DNAH1: variants seen among roughly 807,000 people sequenced by gnomAD.
DNAH1 encodes dynein axonemal heavy chain 1, also known as axonemal beta dynein heavy chain 1.
In DNAH1, 327 loss-of-function variants were observed where a neutral mutation model predicts 484.3. The observed-to-expected ratio is 0.68, with a 90% CI of 0.62 to 0.74. The LOEUF is 0.74. Ranked by LOEUF, DNAH1 falls within the 30% of genes least tolerant of loss-of-function variation. The pLI is 0.00. For missense variants in DNAH1, 5,052 were observed against 5,546.8 expected, an observed-to-expected ratio of 0.91 and a Z score of 2.83; for synonymous variants, 2,192 against 2,191.9, an observed-to-expected ratio of 1.00 and a Z score of 0.00.
chr3:52,323,810 G>C lies in DNAH1; in HGVS notation c.336G>C (p.Glu112Asp). Residue 112 changes from glutamate to aspartate, a missense_variant and splice_region_variant, in exon 3 of 78, where the codon GAG becomes GAC. Physicochemically the swap from Glu to Asp is conservative, Grantham distance 45. Transcript: ENST00000420323. ...LSPGTLDQLG[E>D]VCRGPRMSQN... ...AGGGCTCCATGGTTTGGTTTCAGGA[G>C]GTATGTCGTGGCCCCCGAATGAGCC... 6.3e-7 allele frequency: 1 copy of C among 1,589,966 alleles called. No homozygotes were observed. Among genetic ancestry groups the C allele is most frequent in the Non-Finnish European group, 8.6e-7 (1 of 1,167,994 alleles).
intron 18 of DNAH1, 96 bp downstream of exon 18, chr3:52,352,803 G>C (rs1265133186): frequency 1.5e-5 from 22 of 1,475,796 alleles, no homozygotes; most frequent in East Asian, 2.5e-5. Context: ...CTGGCATTTG[G>C]GGGCAGGACC....
At position 52,352,038 on chromosome 3, in the gene DNAH1, G is replaced by C; in HGVS notation, c.2806G>C (p.Glu936Gln). The change falls in exon 17 of 78, where the codon GAG becomes CAG. Residue 936 changes from glutamate (E) to glutamine (Q), a missense_variant. This residue lies in a region of DNAH1 where 1,263 missense variants were observed against 1,218.8 expected (regional missense o/e 1.04). Coordinates refer to ENST00000420323, the MANE Select transcript of DNAH1 (RefSeq NM_015512.5). ...LVQQQHVEDE[E>Q]KFRKIQIMDQ... ...GCAGCAGCAGCATGTGGAGGATGAG[G>C]AGAAGTTCCGCAAAATCCAGATCAT... 6.3e-7 allele frequency: 1 copy of C among 1,594,404 alleles called. No individual in the cohort carries two copies. Among genetic ancestry groups the C allele is most frequent in the Non-Finnish European group, 8.5e-7 (1 of 1,170,626 alleles).
At position 52,353,423 on chromosome 3, in the gene DNAH1, G is replaced by A. The variant is rs758222391; in HGVS notation, c.3270G>A (p.Glu1090=). ...VALDIRARIE[E]FKPYIPLIQG... is the part of the protein sequence containing the mutation. ...TGGACATCCGGGCCCGCATCGAGGAGTTCAAACCATACATCCCACTGATCC... is the reference window on the plus strand; with the variant it reads ...TGGACATCCGGGCCCGCATCGAGGAATTCAAACCATACATCCCACTGATCC... Residue 1090 remains glutamate, a synonymous_variant, in exon 20 of 78, where the codon GAG becomes GAA. Coordinates refer to ENST00000420323, the MANE Select transcript of DNAH1 (RefSeq NM_015512.5). This position sits in a 1 kb window ranked among gnomAD's most constrained non-coding sequence, Gnocchi z 5.0. 9.3e-6 allele frequency: 15 copies of A among 1,613,816 alleles called. No individual in the cohort carries two copies. The highest frequency in any genetic ancestry group is 4.0e-5 in the African/African-American group (3 of 74,930).
chr3:52,332,112 G>T, intron 7 of DNAH1, 30 bp from the exon 8 acceptor site: 1 of 1,540,556 alleles, frequency 6.5e-7, no homozygotes, highest in East Asian at 2.5e-5. Context: ...CTGATTGTGT[G>T]TCCCCTTCTC....
At chr3:52,327,122 C>A (rs1701375766) in intron 5 of DNAH1, among the ~76,000 whole-genome samples, 3 of 151,844 alleles carry the variant, frequency 2.0e-5, no homozygotes, top group East Asian at 1.9e-4. Flanking sequence ...CTTCCCTGGG[C>A]AGCCTGTATG....
intron 15 of DNAH1, 67 bp downstream of exon 15, chr3:52,350,175 G>A (rs1352680189): frequency 1.4e-5 from 22 of 1,568,358 alleles, no homozygotes; most frequent in Non-Finnish European, 1.9e-5. Flanking sequence ...CCGAGGGCTG[G>A]GGCAGGCAGG....
chr3:52,345,413 T>C, intron 9 of DNAH1, 82 bp from the exon 10 acceptor site: 1 of 1,236,664 alleles, frequency 8.1e-7, no homozygotes, highest in Non-Finnish European at 1.1e-6. Context: ...ATGGCCCTCC[T>C]TCAAGCACCC....
intron 48 of DNAH1, among the ~76,000 whole-genome samples, chr3:52,380,553 C>T (rs1257837450): frequency 3.3e-5 from 5 of 152,220 alleles, no homozygotes; most frequent in African/African-American, 4.8e-5. Flanking sequence ...CAAGAGCTCC[C>T]ACCAGGGTCA....
At chr3:52,356,164 C>T (rs1702600967) in intron 21 of DNAH1, among the ~76,000 whole-genome samples, 1 of 152,178 alleles carries the variant, frequency 6.6e-6, no homozygotes. Flanking sequence ...ATGTCTCACC[C>T]TTGGACTCAT....
intron 37 of DNAH1, 48 bp from the exon 38 acceptor site, chr3:52,369,777 C>T: frequency 6.4e-7 from 1 of 1,564,008 alleles, no homozygotes. Context: ...TTTCTCCAGG[C>T]CTGAGGACTG....
Position 52,385,977 on chromosome 3 carries a change from C to T in DNAH1, c.8626-183C>T, listed in dbSNP as rs561611794. Among the ~76,000 whole-genome samples, 50 of 152,344 alleles carry T rather than the reference C, an allele frequency of 3.3e-4. 1 individual carries two copies. The South Asian group carries it at 6.4e-3, about 20-fold the overall frequency. On this transcript the variant is annotated intron_variant, in intron 54 of 77. Transcript: ENST00000420323. ...CAAACTTGTAAGGCCCCAAGCCACA[C>T]GCCAGGCCCATGGTGAGCACTCAGG...
upstream of DNAH1, among the ~76,000 whole-genome samples, chr3:52,315,888 A>G (rs1289816573): frequency 6.6e-6 from 1 of 152,218 alleles, no homozygotes; most frequent in Non-Finnish European, 1.5e-5. Context: ...GTGTCCTTCC[A>G]GGGAGGAGGG....
chr3:52,347,154 G>GAAAGACAGGCAGCAAGCAGATAAA (rs1200014367), intron 11 of DNAH1, among the ~76,000 whole-genome samples: 1 of 152,216 alleles, frequency 6.6e-6, no homozygotes, highest in South Asian at 2.1e-4. Context: ...CTGGGGGTGG[G>GAAAGACAGGCAGCAAGCAGATAAA]TCAGGGAGGA....
At chr3:52,333,656 T>C (rs1168679752) in intron 8 of DNAH1, among the ~76,000 whole-genome samples, 5 of 152,192 alleles carry the variant, frequency 3.3e-5, no homozygotes, top group Non-Finnish European at 7.3e-5. Flanking sequence ...CCAAAGGGAT[T>C]ACAGGTGTGA....
In DNAH1 at chr3:52,385,392, A is replaced by AC; in HGVS notation, c.8575dup (p.Leu2859ProfsTer39). On this transcript the variant is annotated frameshift_variant, in exon 54 of 78. Coordinates refer to ENST00000420323, the MANE Select transcript of DNAH1 (RefSeq NM_015512.5). LOFTEE classifies it high-confidence loss of function. ...ATGCAGGAGGACCTGGAGAGTATGC[A>AC]CCCCCTGCTGGAGGAGGCTGCCAAG... is the stretch of plus-strand genomic sequence containing the variant. 4.5e-6 allele frequency: 7 copies of AC among 1,552,630 alleles called. No homozygotes were observed. The highest frequency in any genetic ancestry group is 6.1e-6 in the Non-Finnish European group (7 of 1,147,604).
chr3:52,397,039 C>G lies in DNAH1; in HGVS notation c.11782C>G (p.Leu3928Val). The change falls in exon 73 of 78, where the codon CTC (leucine) becomes GTC (valine). Residue 3928 changes from leucine (L) to valine (V), a missense_variant. Physicochemically the swap from Leu to Val is conservative, Grantham distance 32. This residue lies in a region of DNAH1 where 853 missense variants were observed against 899.0 expected (regional missense o/e 0.95). Coordinates refer to ENST00000420323, the MANE Select transcript of DNAH1 (RefSeq NM_015512.5). The part of the protein sequence containing the change: ...IYHQIPPTYD[L>V]HGYLSYIKSL... ...CCACCAGATCCCGCCTACCTACGAC[C>G]TCCACGTGAGTCCAGCCCAAAGGGC... 6.2e-7 allele frequency: 1 copy of G among 1,602,536 alleles called. No individual in the cohort carries two copies. The highest frequency in any genetic ancestry group is 1.1e-5 in the South Asian group (1 of 89,508).
In DNAH1 at chr3:52,346,777, C is replaced by T. The variant is rs756155003; in HGVS notation, c.1955+7C>T. 4.4e-6 allele frequency: 7 copies of T among 1,599,826 alleles called. No individual in the cohort carries two copies. In the Admixed American group the frequency reaches 5.0e-5, roughly 12 times the overall value. On this transcript the variant is annotated splice_region_variant and intron_variant, in intron 11 of 77. Coordinates refer to ENST00000420323, the MANE Select transcript of DNAH1 (RefSeq NM_015512.5). The stretch of plus-strand genomic sequence containing the variant: ...TAATTAACAGCCCCTACAGGTGGGG[C>T]CCGGCGGGGCGGAGGCACCTGTTGA...
intron 9 of DNAH1, among the ~76,000 whole-genome samples, chr3:52,344,992 C>T (rs549563401): frequency 3.9e-5 from 6 of 152,272 alleles, no homozygotes; most frequent in African/African-American, 1.2e-4. Flanking sequence ...GAGAGGAGAC[C>T]GAGTCTCAGA....
In DNAH1 at chr3:52,392,957, T is replaced by A; in HGVS notation, c.10406T>A (p.Met3469Lys). The A allele has an allele frequency of 6.2e-7, 1 of 1,613,736 alleles. No homozygotes were observed. Among genetic ancestry groups the A allele is most frequent in the Non-Finnish European group, 8.5e-7 (1 of 1,179,840 alleles). ...CVSDLANVDP[M>K]YQYSLEWFLN... Reference sequence around the variant, plus strand: ...TCCGACCTGGCCAACGTGGACCCCATGTACCAGTACTCCCTTGAGTGGTTT... The same window carrying A: ...TCCGACCTGGCCAACGTGGACCCCAAGTACCAGTACTCCCTTGAGTGGTTT... The change falls in exon 65 of 78, where the codon ATG becomes AAG. Residue 3469 changes from methionine (M) to lysine (K), a missense_variant. By Grantham distance (95) the Met-to-Lys change is moderately conservative (BLOSUM62 -1). Around this residue, in one of 4 missense-constraint regions of DNAH1, gnomAD observed 2,929 missense variants for 3,409.4 expected, o/e 0.86. Coordinates refer to ENST00000420323, the MANE Select transcript of DNAH1 (RefSeq NM_015512.5).
Sources: gnomAD v4.1 joint callset for allele counts (sites outside exome capture counted in the v4.1 genomes callset) on GRCh38, gnomAD v4.1.1 for gene constraint, gnomAD v4.1.1 regional missense constraint, Gnocchi (gnomAD v3.1) non-coding constraint, MANE v1.5 for transcripts, NCBI Gene and HGNC (gene_info 2026-07-23, HGNC 2026-07-21) for gene names.